Variants in KCNMB3 observed in about 807,000 individuals in gnomAD.
KCNMB3 encodes calcium-activated potassium channel subunit beta-3.
Under a neutral mutation model 11.9 loss-of-function variants are expected in KCNMB3, and 18 were observed. The observed-to-expected ratio is 1.51, with a 90% CI of 1.04 to 2.23. KCNMB3 has a LOEUF of 2.23. Ranked by LOEUF, KCNMB3 falls within the 30% of genes most tolerant of loss-of-function variation. The pLI, the probability that KCNMB3 is intolerant of heterozygous loss-of-function variation, is 0.00. For missense variants in KCNMB3, 247 were observed against 329.4 expected (o/e 0.75, Z 1.94); for synonymous variants, 78 against 119.2 (o/e 0.65, Z 2.25).
chr3:179,243,056 T>C lies in KCNMB3; in HGVS notation c.676A>G (p.Met226Val), dbSNP rs1049350675. 3 of 1,590,426 alleles carry C rather than the reference T, an allele frequency of 1.9e-6. No individual in the cohort carries two copies. Among genetic ancestry groups the C allele is most frequent in the Non-Finnish European group, 1.7e-6 (2 of 1,168,144 alleles). ...GACAGGTGTTGTGTTAATCTCACCA[T>C]GCCAACAATCAGGGCACCACCTAGC... ...TLLGGALIVG[M>V]VRLTQHLSLL... Residue 226 changes from methionine to valine, a missense_variant, in exon 3 of 3, where the codon ATG becomes GTG. Met to Val is a conservative substitution (Grantham distance 21). Around this residue, in one of 2 missense-constraint regions of KCNMB3, gnomAD observed 87 missense variants for 171.9 expected, o/e 0.51. Coordinates refer to ENST00000392685, the MANE Select transcript of KCNMB3 (RefSeq NM_171830.2).
At chr3:179,257,371 A>C (rs1161498644) in intron 1 of KCNMB3, among the ~76,000 whole-genome samples, 2 of 152,210 alleles carry the variant, frequency 1.3e-5, no homozygotes, top group East Asian at 3.8e-4. Flanking sequence ...CAGTAATATG[A>C]ATCTACATAA....
intron 1 of KCNMB3, among the ~76,000 whole-genome samples, chr3:179,257,619 T>C (rs1252220068): frequency 2.6e-5 from 4 of 152,224 alleles, no homozygotes; most frequent in Admixed American, 2.0e-4. Flanking sequence ...CCAGTCTAAT[T>C]TGTAGTTTGC....
intron 1 of KCNMB3, among the ~76,000 whole-genome samples, chr3:179,246,185 G>T (rs1725637316): frequency 6.6e-6 from 1 of 152,188 alleles, no homozygotes; most frequent in Non-Finnish European, 1.5e-5. Context: ...GCCGAGGCGG[G>T]CAGATCACTT....
At chr3:179,248,920 G>T (rs1050142928) in intron 1 of KCNMB3, among the ~76,000 whole-genome samples, 1 of 151,860 alleles carries the variant, frequency 6.6e-6, no homozygotes, top group Non-Finnish European at 1.5e-5. Flanking sequence ...GCTGAGGTGG[G>T]AGGACTGCTT....
At chr3:179,259,024 A>G in intron 1 of KCNMB3, 1 of 1,614,112 alleles carries the variant, frequency 6.2e-7, no homozygotes, top group Non-Finnish European at 8.5e-7. Flanking sequence ...TCAGCTTAGG[A>G]CATGGTACGG....
intron 1 of KCNMB3, chr3:179,259,647 G>C: frequency 6.2e-7 from 1 of 1,609,276 alleles, no homozygotes; most frequent in Non-Finnish European, 8.5e-7. Flanking sequence ...ACTTAAATCT[G>C]TGTTCTGATA....
intron 1 of KCNMB3, chr3:179,261,003 T>G: frequency 1.0e-6 from 1 of 959,824 alleles, no homozygotes; most frequent in East Asian, 2.4e-5. Context: ...GATATAGAGG[T>G]GTCTCCGCTG....
chr3:179,244,383 CA>C, intron 2 of KCNMB3, 111 bp downstream of exon 2: 1 of 814,440 alleles, frequency 1.2e-6, no homozygotes, highest in Non-Finnish European at 2.0e-6. Flanking sequence ...ATGTTCACTC[CA>C]AAAAAATAGA....
At chr3:179,257,305 T>C (rs1424016615) in intron 1 of KCNMB3, among the ~76,000 whole-genome samples, 1 of 152,262 alleles carries the variant, frequency 6.6e-6, no homozygotes, top group Non-Finnish European at 1.5e-5. Flanking sequence ...AACACTTATG[T>C]TTTCCTCAAA....
At chr3:179,261,026 GA>G (rs1321660942) in intron 1 of KCNMB3, 10 of 983,242 alleles carry the variant, frequency 1.0e-5, no homozygotes, top group Non-Finnish European at 1.6e-5. Context: ...TCTCTGAGAG[GA>G]AGTCCCACCC....
At chr3:179,246,051 C>T (rs924105837) in intron 1 of KCNMB3, among the ~76,000 whole-genome samples, 4 of 152,202 alleles carry the variant, frequency 2.6e-5, no homozygotes, top group African/African-American at 9.6e-5. Context: ...TATAGGTGGA[C>T]TCCTGTGTTT....
At position 179,260,446 on chromosome 3, in the gene KCNMB3, C is replaced by T. The variant is rs981347789; in HGVS notation, c.62+6203G>A. On this transcript the variant is annotated intron_variant, in intron 1 of 3. Coordinates refer to the KCNMB3 transcript ENST00000349697. Reference sequence around the variant, plus strand: ...GTGAATACCTCTATGTCCACACAATCCTTCACTGTGTCCTCTGTGTGTTGT... The same window carrying T: ...GTGAATACCTCTATGTCCACACAATTCTTCACTGTGTCCTCTGTGTGTTGT... 2.5e-6 allele frequency: 4 copies of T among 1,613,616 alleles called. No homozygotes were observed. In the African/African-American group the frequency reaches 5.3e-5, roughly 22 times the overall value.
chr3:179,259,097 G>A (rs1023728319), intron 1 of KCNMB3: 2 of 1,597,126 alleles, frequency 1.3e-6, no homozygotes, highest in Admixed American at 1.8e-5. Context: ...CTGGATTGAA[G>A]TCCCCCGGCT....
downstream of KCNMB3, chr3:179,241,079 C>G (rs975655214): frequency 2.6e-5 from 4 of 152,106 alleles, no homozygotes; most frequent in Non-Finnish European, 5.9e-5. Context: ...CTCCCTATCC[C>G]TAGCCTCTAT....
chr3:179,245,517 G>A (rs188017683), intron 1 of KCNMB3, among the ~76,000 whole-genome samples: 3 of 149,744 alleles, frequency 2.0e-5, no homozygotes, highest in African/African-American at 7.4e-5. Flanking sequence ...ATTTTTTTGG[G>A]GGGGGGGATG....
Position 179,261,192 on chromosome 3 carries a change from C to G in KCNMB3, c.62+5457G>C, listed in dbSNP as rs1726195412. The G allele has an allele frequency of 3.2e-5, 43 of 1,342,408 alleles. No individual in the cohort carries two copies. In the South Asian group the frequency reaches 6.2e-4, roughly 19 times the overall value. 83.2% of individuals were successfully genotyped at this position (1,342,408 alleles called of 1,614,324 possible). A position where few individuals can be genotyped will look rare whatever the true frequency, so the allele number is the denominator to read the frequency against. On this transcript the variant is annotated intron_variant, in intron 1 of 3. Coordinates refer to the KCNMB3 transcript ENST00000349697. ...TCCGCGCGGGCCTCCCGTTTTGCGG[C>G]GAGCCGGGCCTCCGCCAGCCTCTGC...
chr3:179,260,287 C>T, intron 1 of KCNMB3: 1 of 1,614,022 alleles, frequency 6.2e-7, no homozygotes, highest in Non-Finnish European at 8.5e-7. Context: ...TCAACCTGTG[C>T]TGTGTTTTCA....
intron 1 of KCNMB3, among the ~76,000 whole-genome samples, chr3:179,261,887 AAC>A (rs1442362165): frequency 6.6e-6 from 1 of 152,214 alleles, no homozygotes; most frequent in Non-Finnish European, 1.5e-5. Flanking sequence ...ATACATCTAA[AAC>A]ACAGATACAA....
intron 1 of KCNMB3, chr3:179,259,828 C>CT (rs1726146178): frequency 1.2e-6 from 2 of 1,607,960 alleles, no homozygotes; most frequent in Non-Finnish European, 1.7e-6. Flanking sequence ...CTTTGAGTGT[C>CT]TACTGTACTT....
Sources: allele counts gnomAD v4.1 joint callset (sites outside exome capture counted in the v4.1 genomes callset), GRCh38; gene constraint gnomAD v4.1.1; regional missense constraint gnomAD v4.1.1; transcripts MANE v1.5; gene names NCBI Gene and HGNC (gene_info 2026-07-23, HGNC 2026-07-21).